HOXB5: variants seen among roughly 807,000 people sequenced by gnomAD.
HOXB5 encodes homeobox B5, also known as homeobox protein Hox-B5.
A neutral mutation model predicts 19.6 loss-of-function variants in HOXB5; 10 were observed. That is an observed-to-expected ratio of 0.51 (90% CI 0.32 to 0.87). The LOEUF is 0.87. HOXB5 is among the 40% of genes least tolerant of loss of function. HOXB5 has a pLI of 0.04. For missense variants in HOXB5, 353 were observed against 369.6 expected, an observed-to-expected ratio of 0.96 and a Z score of 0.37; for synonymous variants, 167 against 156.9, an observed-to-expected ratio of 1.06 and a Z score of -0.48.
rs11554725 is a variant in HOXB5, at chr17:48,592,175, G to T, written c.*34C>A. ...GAGGGGCCAGGGCTGGGGGTGGCAC[G>T]GGCTCTTGGGCCGCTGGGCTCCTCT... On this transcript the variant is annotated 3_prime_UTR_variant, in exon 2 of 2. Coordinates refer to ENST00000239151, the MANE Select transcript of HOXB5 (RefSeq NM_002147.4). 1.9e-6 allele frequency: 3 copies of T among 1,601,430 alleles called. No homozygotes were observed. Among genetic ancestry groups the T allele is most frequent in the Non-Finnish European group, 1.7e-6 (2 of 1,172,704 alleles).
Position 48,593,550 on chromosome 17 carries a change from A to G in HOXB5, c.133T>C (p.Tyr45His), listed in dbSNP as rs2070202315. ...RDPAAMHTGS[Y>H]GYNYNGMDLS... is the part of the protein sequence containing the mutation. ...TCCATCCCATTGTAATTGTAGCCGT[A>G]AGAGCCGGTGTGCATGGCAGCGGGA... Residue 45 changes from tyrosine (Y) to histidine (H), a missense_variant, in exon 1 of 2, where the codon TAC becomes CAC. Tyr to His is a moderately conservative substitution (Grantham distance 83, BLOSUM62 2). Coordinates refer to ENST00000239151, the MANE Select transcript of HOXB5 (RefSeq NM_002147.4). The G allele has an allele frequency of 6.2e-7, 1 of 1,613,160 alleles. No individual in the cohort carries two copies. Among genetic ancestry groups the G allele is most frequent in the Non-Finnish European group, 8.5e-7 (1 of 1,180,052 alleles).
chr17:48,592,830 G>T (rs1003172286), intron 1 of HOXB5, among the ~76,000 whole-genome samples: 3 of 152,154 alleles, frequency 2.0e-5, no homozygotes, highest in Admixed American at 6.5e-5. Flanking sequence ...GGGGTAAGCA[G>T]GACCCTTCCC....
In HOXB5 at chr17:48,593,058, C is replaced by A; in HGVS notation, c.562+63G>T. On this transcript the variant is annotated intron_variant, in intron 1 of 1. Coordinates refer to ENST00000239151, the MANE Select transcript of HOXB5 (RefSeq NM_002147.4). ...GTAAAGCCAAGCTCTCCTTGTCCCC[C>A]CGATCCCACCCCAAAACGCAGAGAA... The A allele has an allele frequency of 3.1e-6, 2 of 650,300 alleles. 1 individual carries two copies. Among genetic ancestry groups the A allele is most frequent in the Non-Finnish European group, 5.4e-6 (2 of 373,140 alleles). The allele number at this position is 650,300 out of a possible 1,614,324, so 40.3% of individuals were successfully genotyped here. A position where few individuals can be genotyped will look rare whatever the true frequency, so the allele number is the denominator to read the frequency against.
chr17:48,592,922 T>G (rs1218124370), intron 1 of HOXB5, among the ~76,000 whole-genome samples, 199 bp downstream of exon 1: 2 of 152,166 alleles, frequency 1.3e-5, no homozygotes, highest in Admixed American at 6.5e-5. Flanking sequence ...GGAAACAAAT[T>G]ATTAAAAATA....
In HOXB5 at chr17:48,593,239, C is replaced by G; in HGVS notation, c.444G>C (p.Gln148His). 4 of 1,613,832 alleles carry G rather than the reference C, an allele frequency of 2.5e-6. No individual in the cohort carries two copies. Among genetic ancestry groups the G allele is most frequent in the Non-Finnish European group, 2.5e-6 (3 of 1,179,788 alleles). ...CCCGAGCTAGGCTGGGGCTGCTTAG[C>G]TGGCTTGCCGCTTCCTCAGGCTCCG... ...ASSEPEEAAS[Q>H]LSSPSLARAQ... Residue 148 changes from glutamine (Q) to histidine (H), a missense_variant, in exon 1 of 2, where the codon CAG (glutamine) becomes CAC (histidine). Gln to His is a conservative substitution (Grantham distance 24). Coordinates refer to ENST00000239151, the MANE Select transcript of HOXB5 (RefSeq NM_002147.4).
chr17:48,592,212 G>A lies in HOXB5; in HGVS notation c.807C>T (p.Pro269=). Residue 269 remains proline, a synonymous_variant, in exon 2 of 2, where the codon CCC becomes CCT. Transcript: ENST00000239151. ...CGCTGGGCTCCTCTGGGCGGGCTCA[G>A]GGCTGGAAGGCGCTGCCAGCTGTAG... is the stretch of plus-strand genomic sequence containing the variant. ...SLATAGSAFQ[P] 1.2e-6 allele frequency: 2 copies of A among 1,613,450 alleles called. No individual in the cohort carries two copies. Among genetic ancestry groups the A allele is most frequent in the Non-Finnish European group, 1.7e-6 (2 of 1,179,766 alleles).
intron 1 of HOXB5, 93 bp from the exon 2 acceptor site, chr17:48,592,549 G>A: frequency 1.5e-6 from 2 of 1,325,398 alleles, no homozygotes; most frequent in Non-Finnish European, 2.0e-6. Flanking sequence ...GGACCCAGGC[G>A]TCCCGGCACC....
rs1377536867 is a variant in HOXB5, at chr17:48,593,161, C to A, written c.522G>T (p.Pro174=). 6.3e-7 allele frequency: 1 copy of A among 1,580,122 alleles called. No homozygotes were observed. Among genetic ancestry groups the A allele is most frequent in the Non-Finnish European group, 8.6e-7 (1 of 1,160,074 alleles). ...GCTTCCTCATCCAGGGGAATATTTG[C>A]GGAGTCTGCCCCTCGGGCGCGGCTG... ...TSTAAPEGQT[P]QIFPWMRKLH... is the part of the protein sequence containing the mutation. The change falls in exon 1 of 2, where the codon CCG becomes CCT. Residue 174 remains proline, a synonymous_variant. Coordinates refer to ENST00000239151, the MANE Select transcript of HOXB5 (RefSeq NM_002147.4).
Position 48,591,936 on chromosome 17 carries a change from G to GA in HOXB5, c.*272dup. The GA allele has an allele frequency of 4.5e-6, 1 of 220,188 alleles. No homozygotes were observed. Among genetic ancestry groups the GA allele is most frequent in the South Asian group, 1.7e-4 (1 of 5,822 alleles). The allele number at this position is 220,188 out of a possible 1,614,324, so 13.6% of individuals were successfully genotyped here. On this transcript the variant is annotated 3_prime_UTR_variant, in exon 2 of 2. Transcript: ENST00000239151. ...CTGCAACCACAGACACAAACATTCA[G>GA]AAACACTGGCGGATTTGGGACAAGC...
Position 48,593,667 on chromosome 17 carries a change from C to T in HOXB5, c.16G>A (p.Val6Ile). 6.2e-7 allele frequency: 1 copy of T among 1,611,432 alleles called. No homozygotes were observed. Among genetic ancestry groups the T allele is most frequent in the Non-Finnish European group, 8.5e-7 (1 of 1,178,856 alleles). ...GGATAACGCCCCGAGAAGGAGTTTA[C>T]AAAGTACGAGCTCATTTGGGTGATT... MSSYF[V>I]NSFSGRYPNG... Residue 6 changes from valine (V) to isoleucine (I), a missense_variant, in exon 1 of 2, where the codon GTA (valine) becomes ATA (isoleucine). Val to Ile is a conservative substitution (Grantham distance 29, BLOSUM62 3). Transcript: ENST00000239151.
intron 1 of HOXB5, 58 bp downstream of exon 1, chr17:48,593,063 C>CCCCCCCCCAAA (rs2144936726): frequency 6.0e-5 from 28 of 466,046 alleles, no homozygotes; most frequent in Middle Eastern, 7.9e-4. Flanking sequence ...TCCCCCCGAT[C>CCCCCCCCCAAA]CCACCCCAAA....
chr17:48,593,370 C>G lies in HOXB5; in HGVS notation c.313G>C (p.Gly105Arg). 1 of 1,600,290 alleles carries G rather than the reference C, an allele frequency of 6.2e-7. No homozygotes were observed. Among genetic ancestry groups the G allele is most frequent in the Non-Finnish European group, 8.5e-7 (1 of 1,170,752 alleles). Reference protein sequence around the residue: ...SSPESLPCTNGDSHGAKPSAS... With the variant: ...SSPESLPCTNRDSHGAKPSAS... Reference sequence around the variant, plus strand: ...GAGGGCTTGGCGCCGTGGCTGTCGCCGTTGGTGCAGGGCAGGGACTCGGGC... The same window carrying G: ...GAGGGCTTGGCGCCGTGGCTGTCGCGGTTGGTGCAGGGCAGGGACTCGGGC... Residue 105 changes from glycine to arginine, a missense_variant, in exon 1 of 2, where the codon GGC (glycine) becomes CGC (arginine). Gly to Arg is a moderately radical substitution (Grantham distance 125). Coordinates refer to ENST00000239151, the MANE Select transcript of HOXB5 (RefSeq NM_002147.4).
chr17:48,593,381 G>C lies in HOXB5; in HGVS notation c.302C>G (p.Pro101Arg). Reference sequence around the variant, plus strand: ...GCCGTGGCTGTCGCCGTTGGTGCAGGGCAGGGACTCGGGCGAGGACAGGGA... The same window carrying C: ...GCCGTGGCTGTCGCCGTTGGTGCAGCGCAGGGACTCGGGCGAGGACAGGGA... ...SCSLSSPESL[P>R]CTNGDSHGAK... The change falls in exon 1 of 2, where the codon CCC becomes CGC. Residue 101 changes from proline (P) to arginine (R), a missense_variant. Transcript: ENST00000239151. 6.2e-7 allele frequency: 1 copy of C among 1,603,336 alleles called. No individual in the cohort carries two copies. Among genetic ancestry groups the C allele is most frequent in the Non-Finnish European group, 8.5e-7 (1 of 1,173,140 alleles).
chr17:48,591,641 C>T lies in HOXB5; in HGVS notation c.*568G>A. ...CCCTTTGGTCCTCCCTAGCCCCTTC[C>T]CACCCTAGGACCAAGCCCCTAGGAG... is the stretch of plus-strand genomic sequence containing the variant. On this transcript the variant is annotated 3_prime_UTR_variant, in exon 2 of 2. Transcript: ENST00000239151. 1 of 152,748 alleles carries T rather than the reference C, an allele frequency of 6.5e-6. No homozygotes were observed. Among genetic ancestry groups the T allele is most frequent in the African/African-American group, 2.4e-5 (1 of 41,400 alleles). The allele number at this position is 152,748 out of a possible 1,614,324, so 9.5% of individuals were successfully genotyped here.
Position 48,591,997 on chromosome 17 carries a change from TAATA to T in HOXB5, c.*208_*211del, listed in dbSNP as rs2070162346. 1.5e-5 allele frequency: 5 copies of T among 333,528 alleles called. No homozygotes were observed. The highest frequency in any genetic ancestry group is 2.6e-5 in the Non-Finnish European group (5 of 189,556). 20.7% of individuals were successfully genotyped at this position (333,528 alleles called of 1,614,324 possible). A position where few individuals can be genotyped will look rare whatever the true frequency, so the allele number is the denominator to read the frequency against. On this transcript the variant is annotated 3_prime_UTR_variant, in exon 2 of 2. Coordinates refer to ENST00000239151, the MANE Select transcript of HOXB5 (RefSeq NM_002147.4). ...TGGGAGCATGGAAGGAAAATAATAATAATAATTATTATTAACAATAATAACAAGA... is the reference window on the plus strand; with the variant it reads ...TGGGAGCATGGAAGGAAAATAATAATATTATTATTAACAATAATAACAAGA...
intron 1 of HOXB5, among the ~76,000 whole-genome samples, chr17:48,592,850 T>C (rs2070184889): frequency 6.6e-6 from 1 of 152,208 alleles, no homozygotes; most frequent in Non-Finnish European, 1.5e-5. Context: ...CCACATTATA[T>C]GAACCCCATC....
In HOXB5 at chr17:48,593,725, A is replaced by G. The variant is rs775695630; in HGVS notation, c.-43T>C. The G allele has an allele frequency of 6.6e-7, 1 of 1,518,514 alleles. No individual in the cohort carries two copies. The highest frequency in any genetic ancestry group is 9.0e-7 in the Non-Finnish European group (1 of 1,110,268). The allele number at this position is 1,518,514 out of a possible 1,614,324, so 94.1% of individuals were successfully genotyped here. A position where few individuals can be genotyped will look rare whatever the true frequency, so the allele number is the denominator to read the frequency against. On this transcript the variant is annotated 5_prime_UTR_variant, in exon 1 of 2. Transcript: ENST00000239151. ...GCTTGATTTGTGGATCGTGGTCGTT[A>G]TAACCCTGTGCTTCACGATTTATGA...
chr17:48,592,590 C>G lies in HOXB5; in HGVS notation c.563-134G>C, dbSNP rs1000350690. 4 of 890,076 alleles carry G rather than the reference C, an allele frequency of 4.5e-6. No homozygotes were observed. The African/African-American group carries it at 5.1e-5, about 11-fold the overall frequency. 55.1% of individuals were successfully genotyped at this position (890,076 alleles called of 1,614,324 possible). On this transcript the variant is annotated intron_variant, in intron 1 of 1. Transcript: ENST00000239151. Reference sequence around the variant, plus strand: ...CACCACAGCTCCAATCCTCTCTACTCCAGATGCCCACATTCAAGCTCGATT... The same window carrying G: ...CACCACAGCTCCAATCCTCTCTACTGCAGATGCCCACATTCAAGCTCGATT...
chr17:48,593,517 C>T lies in HOXB5; in HGVS notation c.166G>A (p.Val56Ile), dbSNP rs573916101. The T allele has an allele frequency of 3.7e-6, 6 of 1,613,272 alleles. No homozygotes were observed. In the African/African-American group the frequency reaches 6.7e-5, roughly 18 times the overall value. ...GYNYNGMDLSVNRSSASSSHF... is the reference protein window; with the variant it reads ...GYNYNGMDLSINRSSASSSHF... ...CTGGAGGAGGCCGAGGAGCGGTTGA[C>T]GCTGAGGTCCATCCCATTGTAATTG... is the stretch of plus-strand genomic sequence containing the variant. The change falls in exon 1 of 2, where the codon GTC becomes ATC. Residue 56 changes from valine to isoleucine, a missense_variant. Coordinates refer to ENST00000239151, the MANE Select transcript of HOXB5 (RefSeq NM_002147.4).
Sources: gnomAD v4.1 joint callset for allele counts (sites outside exome capture counted in the v4.1 genomes callset) on GRCh38, gnomAD v4.1.1 for gene constraint, MANE v1.5 for transcripts, NCBI Gene and HGNC (gene_info 2026-07-23, HGNC 2026-07-21) for gene names.